NAA38: variants seen among roughly 807,000 people sequenced by gnomAD.
NAA38 encodes N-alpha-acetyltransferase 38, NatC auxiliary subunit, also known as LSM domain containing 1.
A neutral mutation model predicts 12.6 loss-of-function variants in NAA38; 15 were observed. The ratio of observed to expected loss-of-function variants is 1.19; its 90% CI spans 0.79 to 1.83. The LOEUF is 1.83. NAA38 is among the 40% of genes most tolerant of loss of function. The pLI, the probability that NAA38 is intolerant of heterozygous loss-of-function variation, is 0.00. For missense variants in NAA38, 183 were observed against 171.7 expected, an observed-to-expected ratio of 1.07 and a Z score of -0.37; for synonymous variants, 88 against 69.9, an observed-to-expected ratio of 1.26 and a Z score of -1.29.
intron 2 of NAA38, among the ~76,000 whole-genome samples, chr17:7,869,617 G>A (rs1967050675): frequency 6.6e-6 from 1 of 151,922 alleles, no homozygotes; most frequent in Non-Finnish European, 1.5e-5. Flanking sequence ...TAAAAAATTA[G>A]CTGGGTGTGG....
chr17:7,856,866 C>A, intron 2 of NAA38, 23 bp from the exon 3 acceptor site: 1 of 1,611,738 alleles, frequency 6.2e-7, no homozygotes, highest in Non-Finnish European at 8.5e-7. Context: ...ATCAGAGCAT[C>A]AGGAAAGTAG....
upstream of NAA38, chr17:7,858,677 T>G: frequency 2.5e-6 from 4 of 1,611,240 alleles, no homozygotes; most frequent in Non-Finnish European, 3.4e-6. Flanking sequence ...TTGTGCACGT[T>G]CCGCCTCAGC....
rs868658385 is a variant in NAA38 at position 7,870,904 on chromosome 17, A to T, written c.-65-4346T>A. On this transcript the variant is annotated intron_variant, in intron 2 of 4. Transcript: ENST00000576861. The stretch of plus-strand genomic sequence containing the variant: ...ACTCCACCTCAAAAAAAAAAAAAAA[A>T]ATTGTAGAAACGGGGTCTCACTATG... Among the ~76,000 whole-genome samples the T allele has an allele frequency of 3.9e-3, 580 of 149,894 alleles. 2 individuals are homozygous for T. The highest frequency in any genetic ancestry group is 0.013 in the African/African-American group (530 of 41,244).
rs377079849 is a variant in NAA38 at position 7,884,457 on chromosome 17, C to CATATATATATAT, written c.-167+696_-167+707dup. 2.0e-3 allele frequency among the ~76,000 whole-genome samples: 268 copies of CATATATATATAT among 130,820 alleles called. 5 individuals are homozygous for CATATATATATAT. The East Asian group carries it at 0.035, about 17-fold the overall frequency. 85.8% of individuals were successfully genotyped at this position (130,820 alleles called of 152,430 possible). A position where few individuals can be genotyped will look rare whatever the true frequency, so the allele number is the denominator to read the frequency against. On this transcript the variant is annotated intron_variant, in intron 1 of 4. Coordinates refer to the NAA38 transcript ENST00000576861. ...GAAGTCGAAAACTTTTATATATATACATATATATATATATATATATGTATA... is the reference window on the plus strand; with the variant it reads ...GAAGTCGAAAACTTTTATATATATACATATATATATATATATATATATATATATATATGTATA...
Position 7,866,591 on chromosome 17 carries a change from T to C in NAA38, c.-65-33A>G. The C allele has an allele frequency of 7.6e-6, 8 of 1,054,796 alleles. 1 individual carries two copies. The South Asian group carries it at 3.8e-4, about 51-fold the overall frequency. The allele number at this position is 1,054,796 out of a possible 1,614,324, so 65.3% of individuals were successfully genotyped here. On this transcript the variant is annotated intron_variant, in intron 2 of 4. Transcript: ENST00000576861. ...GCCCCCCAAGCTTTGCATCAGAGCC[T>C]TCCTACATGCTGTTCCTCTGTGTGG... is the stretch of plus-strand genomic sequence containing the variant.
upstream of NAA38, chr17:7,857,910 C>T: frequency 7.1e-7 from 1 of 1,416,468 alleles, no homozygotes; most frequent in Non-Finnish European, 9.2e-7. Flanking sequence ...CTTATATGCC[C>T]CACGCGGGAC....
chr17:7,869,692 G>A (rs900982836), intron 2 of NAA38, among the ~76,000 whole-genome samples: 1 of 151,068 alleles, frequency 6.6e-6, no homozygotes, highest in South Asian at 2.1e-4. Flanking sequence ...CAACCCGGGA[G>A]GCAGAGGTTG....
At chr17:7,880,120 A>T (rs975829276) in intron 2 of NAA38, among the ~76,000 whole-genome samples, 1 of 152,170 alleles carries the variant, frequency 6.6e-6, no homozygotes, top group African/African-American at 2.4e-5. Flanking sequence ...ATAATTTATA[A>T]AGTGCTATCA....
upstream of NAA38, chr17:7,859,040 C>T (rs1879649713): frequency 1.1e-5 from 6 of 566,996 alleles, no homozygotes; most frequent in Non-Finnish European, 1.9e-5. Context: ...CCTTTATAAG[C>T]CTGGGAACAG....
At chr17:7,877,650 A>G (rs533381389) in intron 2 of NAA38, among the ~76,000 whole-genome samples, 8 of 152,310 alleles carry the variant, frequency 5.3e-5, no homozygotes, top group East Asian at 3.9e-4. Context: ...CACCCTATGC[A>G]TAAGTATGGT....
chr17:7,884,271 C>G (rs1400943091), intron 1 of NAA38, among the ~76,000 whole-genome samples: 1 of 149,118 alleles, frequency 6.7e-6, no homozygotes, highest in South Asian at 2.2e-4. Flanking sequence ...GGATTTTCCC[C>G]CCTCTCCCTT....
In NAA38 at chr17:7,864,883, A is replaced by C. The variant is rs552980027; in HGVS notation, c.3+1608T>G. ...GCACTCCAGCCTGGGCAACAGAGTG[A>C]GACTCCATCTCAAAAAAAAAAAAAA... On this transcript the variant is annotated intron_variant, in intron 3 of 4. Coordinates refer to the NAA38 transcript ENST00000576861. 5.3e-5 allele frequency: 8 copies of C among 150,714 alleles called. No homozygotes were observed. The East Asian group carries it at 1.6e-3, about 30-fold the overall frequency. The allele number at this position is 150,714 out of a possible 1,614,324, so 9.3% of individuals were successfully genotyped here.
chr17:7,869,125 A>G (rs565086419), intron 2 of NAA38, among the ~76,000 whole-genome samples: 96 of 152,370 alleles, frequency 6.3e-4, no homozygotes, highest in Non-Finnish European at 1.1e-3. Flanking sequence ...TTTAGAATGC[A>G]GCTACCAATT....
chr17:7,858,981 C>T, upstream of NAA38: 1 of 662,552 alleles, frequency 1.5e-6, no homozygotes, highest in Non-Finnish European at 2.4e-6. Flanking sequence ...CCTAGGTCCC[C>T]AGGGTTGGGA....
intron 2 of NAA38, among the ~76,000 whole-genome samples, chr17:7,873,464 C>A (rs1967121430): frequency 6.6e-6 from 1 of 152,140 alleles, no homozygotes; most frequent in South Asian, 2.1e-4. Flanking sequence ...GAAGTAGACA[C>A]TGAGGGCAGT....
chr17:7,874,423 T>TGATGGCAGGACTAAGCCA (rs1291141505), intron 2 of NAA38, among the ~76,000 whole-genome samples: 1 of 152,074 alleles, frequency 6.6e-6, no homozygotes, highest in Non-Finnish European at 1.5e-5. Flanking sequence ...TCACCCAAGA[T>TGATGGCAGGACTAAGCCA]GATGGCAGGA....
intron 1 of NAA38, chr17:7,885,141 G>C (rs1181122204): frequency 1.0e-6 from 1 of 982,652 alleles, no homozygotes; most frequent in African/African-American, 1.8e-5. Flanking sequence ...GGCGCGCGAA[G>C]CCGGGCGGGG....
chr17:7,865,844 G>A (rs1437552260), intron 3 of NAA38: 5 of 152,110 alleles, frequency 3.3e-5, no homozygotes, highest in African/African-American at 9.7e-5. Context: ...GGGAGACAGG[G>A]CATTGATACT....
intron 2 of NAA38, among the ~76,000 whole-genome samples, chr17:7,868,115 TAGC>T (rs541980266): frequency 1.1e-3 from 165 of 152,270 alleles, no homozygotes; most frequent in African/African-American, 3.8e-3. Flanking sequence ...TATTGGCAGA[TAGC>T]AGCTGTAGCC....
Sources: gnomAD v4.1 joint callset for allele counts (sites outside exome capture counted in the v4.1 genomes callset) on GRCh38, gnomAD v4.1.1 for gene constraint, MANE v1.5 for transcripts, NCBI Gene and HGNC (gene_info 2026-07-23, HGNC 2026-07-21) for gene names.